The following SLURP2 variants were observed in gnomAD, a reference collection of about 807,000 sequenced individuals.
The protein encoded by SLURP2 is secreted LY6/PLAUR domain containing 2, also known as secreted Ly-6/uPAR domain-containing protein 2.
In SLURP2, 4 loss-of-function variants were observed where a neutral mutation model predicts 9.8. That is an observed-to-expected ratio of 0.41 (90% confidence interval 0.20 to 0.94). The LOEUF (loss-of-function observed/expected upper bound fraction) is 0.94, where lower values mean the gene tolerates loss of function less well. Ranked by LOEUF, SLURP2 falls within the 40% of genes least tolerant of loss-of-function variation. The pLI, the probability that SLURP2 is intolerant of heterozygous loss-of-function variation, is 0.32. For missense variants in SLURP2, 118 were observed against 126.4 expected (o/e 0.93, Z 0.32); for synonymous variants, 58 against 56.2 (o/e 1.03, Z -0.15).
At position 142,764,556 on chromosome 8, in the gene SLURP2, G is replaced by A. The variant is rs376956403; in HGVS notation, c.*49C>T. 6.3e-7 allele frequency: 1 copy of A among 1,582,740 alleles called. No homozygotes were observed. Among genetic ancestry groups the A allele is most frequent in the Non-Finnish European group, 8.6e-7 (1 of 1,165,370 alleles). On this transcript the variant is annotated 3_prime_UTR_variant, in exon 3 of 3. Transcript: ENST00000317543. The stretch of plus-strand genomic sequence containing the variant: ...CAGCTGTGAGCCCTGGCGCCAGGCT[G>A]TGGGGGCTGTGGGGGCTGAGCGTCC...
intron 1 of SLURP2, chr8:142,766,467 G>A (rs2130070834): frequency 6.6e-6 from 1 of 152,366 alleles, no homozygotes; most frequent in East Asian, 1.9e-4. Flanking sequence ...TCCCGCTACA[G>A]TGGCGGCACC....
chr8:142,767,659 G>C (rs377446652), intron 1 of SLURP2, among the ~76,000 whole-genome samples: 2 of 152,134 alleles, frequency 1.3e-5, no homozygotes, highest in East Asian at 1.9e-4. Context: ...CTCCAGGAAG[G>C]CCTCCTTGGT....
rs1017568076 is a variant in SLURP2 at position 142,764,378 on chromosome 8, C to G, written c.*227G>C. The stretch of plus-strand genomic sequence containing the variant: ...CAATCACATTTTATTGTGGGGAGGT[C>G]GGGACCTGAAGGGGCGGCAGGCACG... On this transcript the variant is annotated 3_prime_UTR_variant, in exon 3 of 3. Transcript: ENST00000317543. 4.6e-6 allele frequency: 3 copies of G among 655,550 alleles called. No individual in the cohort carries two copies. The highest frequency in any genetic ancestry group is 5.4e-6 in the Non-Finnish European group (2 of 368,710). 40.6% of individuals were successfully genotyped at this position (655,550 alleles called of 1,614,324 possible). A position where few individuals can be genotyped will look rare whatever the true frequency, so the allele number is the denominator to read the frequency against.
intron 1 of SLURP2, 103 bp downstream of exon 1, chr8:142,769,652 G>T: frequency 9.7e-7 from 1 of 1,033,672 alleles, no homozygotes; most frequent in Non-Finnish European, 1.4e-6. Context: ...ACAGGAATGG[G>T]TTCTCCCGAG....
At chr8:142,767,221 G>T (rs1409517804) in intron 1 of SLURP2, among the ~76,000 whole-genome samples, 2 of 152,190 alleles carry the variant, frequency 1.3e-5, no homozygotes, top group African/African-American at 2.4e-5. Flanking sequence ...TTCCGGCCAG[G>T]GCAGGCCCCT....
At chr8:142,766,333 G>C (rs1183770933) in intron 1 of SLURP2, 1 of 151,562 alleles carries the variant, frequency 6.6e-6, no homozygotes, top group Non-Finnish European at 1.5e-5. Context: ...CCCGCGAAAT[G>C]CTTAAAAGGT....
In SLURP2 at chr8:142,764,566, TGGGGGCTGA is replaced by T; in HGVS notation, c.*30_*38del. 1 of 1,587,502 alleles carries T rather than the reference TGGGGGCTGA, an allele frequency of 6.3e-7. No individual in the cohort carries two copies. Among genetic ancestry groups the T allele is most frequent in the Non-Finnish European group, 8.6e-7 (1 of 1,169,406 alleles). ...CCCTGGCGCCAGGCTGTGGGGGCTG[TGGGGGCTGA>T]GCGTCCGGGGGCCTGGAGGAGGGCA... On this transcript the variant is annotated 3_prime_UTR_variant, in exon 3 of 3. Coordinates refer to ENST00000317543, the MANE Select transcript of SLURP2 (RefSeq NM_177458.3).
At chr8:142,767,453 G>A (rs1001735412) in intron 1 of SLURP2, among the ~76,000 whole-genome samples, 1 of 152,222 alleles carries the variant, frequency 6.6e-6, no homozygotes, top group Non-Finnish European at 1.5e-5. Context: ...TGGGGTGGGG[G>A]GTAGCAGGGA....
chr8:142,767,269 A>C (rs587724744), intron 1 of SLURP2, among the ~76,000 whole-genome samples: 2 of 152,310 alleles, frequency 1.3e-5, no homozygotes, highest in South Asian at 4.1e-4. Context: ...CCCGGAGAGC[A>C]AGCTGAGACC....
At chr8:142,765,737 G>A (rs936940370) in intron 1 of SLURP2, among the ~76,000 whole-genome samples, 11 of 152,144 alleles carry the variant, frequency 7.2e-5, no homozygotes, top group African/African-American at 2.7e-4. Flanking sequence ...GAGGTGGGTG[G>A]ATCACTTGAG....
chr8:142,766,422 C>G (rs1380916384), intron 1 of SLURP2: 2 of 152,212 alleles, frequency 1.3e-5, no homozygotes, highest in Non-Finnish European at 2.9e-5. Context: ...TAAATATCCT[C>G]CTCAACCCCT....
In SLURP2 at chr8:142,768,922, A is replaced by G. The variant is rs75984745; in HGVS notation, c.52+833T>C. Among the ~76,000 whole-genome samples, 36,731 of 152,094 alleles carry G rather than the reference A, an allele frequency of 0.24. 5,628 individuals are homozygous for G. The highest frequency in any genetic ancestry group is 0.33 in the Non-Finnish European group (22,584 of 67,924). On this transcript the variant is annotated intron_variant, in intron 1 of 2. Transcript: ENST00000317543. The surrounding 1 kb of genome is among the most constrained non-coding windows in gnomAD (Gnocchi z 4.8). ...GAGGCAGGGGCTGCCCAGGTCGTTC[A>G]ACCCACAGCCAGGGACGCAGAGGCT...
In SLURP2 at chr8:142,765,085, A is replaced by G. The variant is rs780909769; in HGVS notation, c.108T>C (p.His36=). ...TGGAGTCCCTCAGGCATCTGGATCC[A>G]TGGGAGCACCCTCCGAAGCCCGTGC... ...HQCTGFGGCS[H]GSRCLRDSTH... is the part of the protein sequence containing the mutation. Residue 36 remains histidine, a synonymous_variant, in exon 2 of 3, where the codon CAT becomes CAC. Coordinates refer to ENST00000317543, the MANE Select transcript of SLURP2 (RefSeq NM_177458.3). 3 of 1,612,756 alleles carry G rather than the reference A, an allele frequency of 1.9e-6. No homozygotes were observed. The highest frequency in any genetic ancestry group is 1.3e-5 in the African/African-American group (1 of 74,910).
chr8:142,769,725 G>A, intron 1 of SLURP2, 30 bp downstream of exon 1: 1 of 1,589,506 alleles, frequency 6.3e-7, no homozygotes, highest in Non-Finnish European at 8.6e-7. Flanking sequence ...GGGGCCTTGA[G>A]CAGGAGGTGG....
chr8:142,769,659 C>T (rs1355764778), intron 1 of SLURP2, 96 bp downstream of exon 1: 11 of 1,132,872 alleles, frequency 9.7e-6, no homozygotes, highest in African/African-American at 9.2e-5. Context: ...TGGGTTCTCC[C>T]GAGGTGGGCA....
chr8:142,764,991 C>T (rs1814952967), intron 2 of SLURP2, 45 bp downstream of exon 2: 1 of 1,510,168 alleles, frequency 6.6e-7, no homozygotes, highest in Non-Finnish European at 9.1e-7. Flanking sequence ...CATCTTCCCA[C>T]CTGGGCAAGA....
At chr8:142,767,708 C>A (rs1311360736) in intron 1 of SLURP2, among the ~76,000 whole-genome samples, 4 of 152,084 alleles carry the variant, frequency 2.6e-5, no homozygotes, top group Non-Finnish European at 5.9e-5. Flanking sequence ...CTGACACACC[C>A]ACCGTGAACT....
chr8:142,765,071 A>G lies in SLURP2; in HGVS notation c.122T>C (p.Leu41Pro). The change falls in exon 2 of 3, where the codon CTG becomes CCG. Residue 41 changes from leucine to proline, a missense_variant. Transcript: ENST00000317543. ...FGGCSHGSRCLRDSTHCVTTA... is the reference protein window; with the variant it reads ...FGGCSHGSRCPRDSTHCVTTA... ...GGTGACACAGTGGGTGGAGTCCCTC[A>G]GGCATCTGGATCCATGGGAGCACCC... 6.2e-7 allele frequency: 1 copy of G among 1,612,856 alleles called. No individual in the cohort carries two copies. The highest frequency in any genetic ancestry group is 1.1e-5 in the South Asian group (1 of 90,850).
intron 1 of SLURP2, 104 bp from the exon 2 acceptor site, chr8:142,765,244 C>A: frequency 1.1e-6 from 1 of 871,148 alleles, no homozygotes; most frequent in South Asian, 1.6e-5. Context: ...GCCCATGCTC[C>A]TTCTCAGCGG....
Sources: allele counts gnomAD v4.1 joint callset (sites outside exome capture counted in the v4.1 genomes callset), GRCh38; gene constraint gnomAD v4.1.1; non-coding constraint Gnocchi (gnomAD v3.1); transcripts MANE v1.5; gene names NCBI Gene and HGNC (gene_info 2026-07-23, HGNC 2026-07-21).